The following SNTG2 variants were observed in gnomAD, a reference collection of about 807,000 sequenced individuals.
SNTG2 encodes gamma-2-syntrophin.
SNTG2 carries 74 observed loss-of-function variants against 70.9 expected under a neutral mutation model. The observed-to-expected ratio is 1.04, with a 90% CI of 0.86 to 1.27. SNTG2 has a LOEUF of 1.27. SNTG2 is among the 50% of genes most tolerant of loss of function. The pLI is 0.00. For missense variants in SNTG2, 717 were observed against 690.7 expected (o/e 1.04, Z -0.43); for synonymous variants, 278 against 273.8 (o/e 1.02, Z -0.15).
chr2:1,219,897 CAGA>C (rs1269538646), intron 9 of SNTG2: 1 of 152,114 alleles, frequency 6.6e-6, no homozygotes, highest in Non-Finnish European at 1.5e-5. Flanking sequence ...CACCTTATTT[CAGA>C]AGAAGAAGGC....
At chr2:1,300,629 G>C (rs567382296) in intron 14 of SNTG2, among the ~76,000 whole-genome samples, 1 of 152,124 alleles carries the variant, frequency 6.6e-6, no homozygotes, top group African/African-American at 2.4e-5. Context: ...TGTTGCTTCC[G>C]ACAGCTCCAT....
rs1054859045 is a variant in SNTG2 at position 1,097,197 on chromosome 2, G to A, written c.211-999G>A. On this transcript the variant is annotated intron_variant, in intron 2 of 16. Coordinates refer to ENST00000308624, the MANE Select transcript of SNTG2 (RefSeq NM_018968.4). This position sits in a 1 kb window ranked among gnomAD's most constrained non-coding sequence, Gnocchi z 4.1. ...TTCCCCCTAAGAAGGACATTCCTGG[G>A]GTATCTCAGGCTGCGGAAGCCCTCA... Among the ~76,000 whole-genome samples, 1 of 152,098 alleles carries A rather than the reference G, an allele frequency of 6.6e-6. No homozygotes were observed. Among genetic ancestry groups the A allele is most frequent in the Non-Finnish European group, 1.5e-5 (1 of 68,024 alleles).
chr2:1,043,163 C>T (rs1483550201), intron 1 of SNTG2, among the ~76,000 whole-genome samples: 2 of 152,036 alleles, frequency 1.3e-5, no homozygotes, highest in Non-Finnish European at 2.9e-5. Context: ...GCCACATATA[C>T]GTCTTTTTTT....
chr2:1,242,859 ATTTC>A (rs1677140138), intron 11 of SNTG2: 1 of 152,190 alleles, frequency 6.6e-6, no homozygotes, highest in African/African-American at 2.4e-5. Context: ...TAAAAAATAT[ATTTC>A]TTTATTATAA....
At chr2:1,171,448 G>C (rs1215601351) in intron 7 of SNTG2, among the ~76,000 whole-genome samples, 1 of 152,100 alleles carries the variant, frequency 6.6e-6, no homozygotes. Context: ...TTACTGATAA[G>C]GTGATTACGG....
chr2:1,087,082 G>A (rs1019371994), intron 2 of SNTG2, among the ~76,000 whole-genome samples: 1 of 152,140 alleles, frequency 6.6e-6, no homozygotes, highest in Non-Finnish European at 1.5e-5. Flanking sequence ...AGGGTGGCAG[G>A]AAACGGAGGT....
chr2:1,123,897 A>T (rs970606034), intron 4 of SNTG2, among the ~76,000 whole-genome samples: 5 of 152,242 alleles, frequency 3.3e-5, no homozygotes, highest in Non-Finnish European at 4.4e-5. Flanking sequence ...CAAGCGCCAC[A>T]TGCTCTCACT....
intron 7 of SNTG2, among the ~76,000 whole-genome samples, chr2:1,168,976 GT>G (rs1380323000): frequency 6.6e-6 from 1 of 152,164 alleles, no homozygotes; most frequent in Non-Finnish European, 1.5e-5. Context: ...AAACGTTGCT[GT>G]GAGTTGGGAA....
chr2:1,112,775 G>T (rs1271502666), intron 4 of SNTG2, among the ~76,000 whole-genome samples: 1 of 151,168 alleles, frequency 6.6e-6, no homozygotes, highest in South Asian at 2.1e-4. Flanking sequence ...CCTTTGAGGA[G>T]GATCGTGTGT....
At chr2:1,066,910 GCTC>G (rs1316591405) in intron 1 of SNTG2, among the ~76,000 whole-genome samples, 1 of 152,042 alleles carries the variant, frequency 6.6e-6, no homozygotes, top group Non-Finnish European at 1.5e-5. Flanking sequence ...GCGTCGCTAC[GCTC>G]CTCATCTTCA....
At chr2:1,181,149 A>G (rs1671862406) in intron 8 of SNTG2, among the ~76,000 whole-genome samples, 2 of 152,200 alleles carry the variant, frequency 1.3e-5, no homozygotes. Flanking sequence ...GCACACCAAC[A>G]TGGCACATGT....
chr2:1,136,288 C>T (rs754952668), intron 4 of SNTG2, among the ~76,000 whole-genome samples: 25 of 151,310 alleles, frequency 1.7e-4, no homozygotes, highest in African/African-American at 4.4e-4. Context: ...CAACAGCATG[C>T]GAAGAACTGA....
chr2:1,301,386 G>A (rs1002993429), intron 14 of SNTG2, among the ~76,000 whole-genome samples: 4 of 152,106 alleles, frequency 2.6e-5, no homozygotes, highest in African/African-American at 9.7e-5. Context: ...CTGTATCACT[G>A]GAGTCCAGGA....
intron 1 of SNTG2, among the ~76,000 whole-genome samples, chr2:951,635 C>G (rs1238644218): frequency 3.9e-5 from 6 of 152,218 alleles, no homozygotes; most frequent in Non-Finnish European, 7.3e-5. Flanking sequence ...GGTTCCCACC[C>G]TAAATAACTC....
Position 1,031,530 on chromosome 2 carries a change from T to TATA in SNTG2, c.73-51988_73-51987insATA, listed in dbSNP as rs1558325836. Among the ~76,000 whole-genome samples, 145 of 37,050 alleles carry TATA rather than the reference T, an allele frequency of 3.9e-3. 1 individual carries two copies. The highest frequency in any genetic ancestry group is 0.016 in the Admixed American group (44 of 2,788). 24.3% of individuals were successfully genotyped at this position (37,050 alleles called of 152,430 possible). A position where few individuals can be genotyped will look rare whatever the true frequency, so the allele number is the denominator to read the frequency against. ...TTGTTATATATATATATATATATAT[T>TATA]TTTTTTTTTTTTTTTTTTGAGGCGA... On this transcript the variant is annotated intron_variant, in intron 1 of 16. Coordinates refer to ENST00000308624, the MANE Select transcript of SNTG2 (RefSeq NM_018968.4).
intron 16 of SNTG2, among the ~76,000 whole-genome samples, chr2:1,331,994 G>C (rs978743006): frequency 6.6e-6 from 1 of 151,926 alleles, no homozygotes; most frequent in East Asian, 1.9e-4. Context: ...ACCCAGCCTG[G>C]TGCCTGCTCG....
chr2:962,761 G>C (rs1171021886), intron 1 of SNTG2, among the ~76,000 whole-genome samples: 1 of 152,042 alleles, frequency 6.6e-6, no homozygotes, highest in African/African-American at 2.4e-5. Context: ...ACAGATACCT[G>C]TGTAAAGGAG....
chr2:1,139,044 A>G (rs1668580110), intron 6 of SNTG2, among the ~76,000 whole-genome samples: 1 of 152,200 alleles, frequency 6.6e-6, no homozygotes, highest in South Asian at 2.1e-4. Context: ...AACAACAAGG[A>G]TCAGCATATT....
intron 1 of SNTG2, among the ~76,000 whole-genome samples, chr2:1,072,338 T>C (rs13022964): frequency 1.1e-4 from 12 of 113,272 alleles, no homozygotes; most frequent in East Asian, 2.6e-4. Flanking sequence ...TTTTCTTTTC[T>C]TTTTCTTTTT....
Sources: allele counts gnomAD v4.1 joint callset (sites outside exome capture counted in the v4.1 genomes callset), GRCh38; gene constraint gnomAD v4.1.1; non-coding constraint Gnocchi (gnomAD v3.1); transcripts MANE v1.5; gene names NCBI Gene and HGNC (gene_info 2026-07-23, HGNC 2026-07-21).